Variants in UBE2E1 observed in about 807,000 individuals in gnomAD.
UBE2E1 encodes the protein ubiquitin conjugating enzyme E2 E1.
A neutral mutation model predicts 21.4 loss-of-function variants in UBE2E1; 6 were observed. The ratio of observed to expected loss-of-function variants is 0.28; its 90% confidence interval spans 0.15 to 0.55. The LOEUF (loss-of-function observed/expected upper bound fraction) is 0.55, where lower values mean the gene tolerates loss of function less well. UBE2E1 is among the 20% of genes least tolerant of loss of function. UBE2E1 has a pLI of 0.93. For missense variants in UBE2E1, 142 were observed against 236.5 expected, an observed-to-expected ratio of 0.60 and a Z score of 2.62; for synonymous variants, 87 against 82.7, an observed-to-expected ratio of 1.05 and a Z score of -0.28.
rs569155269 is a variant in UBE2E1 at position 23,870,170 on chromosome 3, G to C, written c.204-17397G>C. On this transcript the variant is annotated intron_variant, in intron 3 of 5. Transcript: ENST00000306627. This position sits in a 1 kb window ranked among gnomAD's most constrained non-coding sequence, Gnocchi z 4.2. ...CATTCTTGATGTGGTCTCTTCACAC[G>C]GTCTCTGCAGTACTAGGCTTCTTAT... Among the ~76,000 whole-genome samples, 42 of 152,174 alleles carry C rather than the reference G, an allele frequency of 2.8e-4. No individual in the cohort carries two copies. The highest frequency in any genetic ancestry group is 1.0e-3 in the African/African-American group (42 of 41,508).
At chr3:23,843,910 AT>A (rs1232387072) in intron 3 of UBE2E1, among the ~76,000 whole-genome samples, 4 of 151,966 alleles carry the variant, frequency 2.6e-5, no homozygotes, top group Admixed American at 6.6e-5. Context: ...TCTTTAATGT[AT>A]TTTTTTCTGG....
rs947596728 is a variant in UBE2E1, at chr3:23,879,207, A to G, written c.204-8360A>G. ...CCTTCCACATCTAGAGTCCACAACA[A>G]ATACAATGCCATCTGTGCATCTGGC... On this transcript the variant is annotated intron_variant, in intron 3 of 5. Transcript: ENST00000306627. The G allele has an allele frequency of 3.4e-6, 3 of 887,744 alleles. No individual in the cohort carries two copies. The Admixed American group carries it at 5.7e-5, about 17-fold the overall frequency. The allele number at this position is 887,744 out of a possible 1,614,324, so 55.0% of individuals were successfully genotyped here. A position where few individuals can be genotyped will look rare whatever the true frequency, so the allele number is the denominator to read the frequency against.
intron 5 of UBE2E1, 150 bp from the exon 6 acceptor site, chr3:23,890,359 G>A: frequency 1.6e-6 from 1 of 636,594 alleles, no homozygotes; most frequent in Non-Finnish European, 2.6e-6. Context: ...AATTTTGATG[G>A]AAAAATATCC....
In UBE2E1 at chr3:23,830,892, C is replaced by T. The variant is rs1276003749; in HGVS notation, c.203+19382C>T. 3.3e-5 allele frequency among the ~76,000 whole-genome samples: 5 copies of T among 152,182 alleles called. No homozygotes were observed. In the East Asian group the frequency reaches 9.6e-4, roughly 29 times the overall value. On this transcript the variant is annotated intron_variant, in intron 3 of 5. Transcript: ENST00000306627. Reference sequence around the variant, plus strand: ...CAAGTTTTGTTCTAAGGACTTTGAACATTAGAAACTCATTTAAAACTTAAA... The same window carrying T: ...CAAGTTTTGTTCTAAGGACTTTGAATATTAGAAACTCATTTAAAACTTAAA...
rs1454504024 is a variant in UBE2E1 at position 23,891,179 on chromosome 3, G to A, written c.*573G>A. Reference sequence around the variant, plus strand: ...GAATCAGGACTTGTGAAAACCTGTAGTGAAATACCTTAAGCTGTTAACTAA... The same window carrying A: ...GAATCAGGACTTGTGAAAACCTGTAATGAAATACCTTAAGCTGTTAACTAA... On this transcript the variant is annotated 3_prime_UTR_variant, in exon 6 of 6. Transcript: ENST00000306627. 6.6e-6 allele frequency: 1 copy of A among 152,462 alleles called. No individual in the cohort carries two copies. The highest frequency in any genetic ancestry group is 1.9e-4 in the East Asian group (1 of 5,198). The allele number at this position is 152,462 out of a possible 1,614,324, so 9.4% of individuals were successfully genotyped here. A position where few individuals can be genotyped will look rare whatever the true frequency, so the allele number is the denominator to read the frequency against.
intron 3 of UBE2E1, among the ~76,000 whole-genome samples, chr3:23,861,717 G>A (rs1337414112): frequency 1.3e-5 from 2 of 152,218 alleles, no homozygotes; most frequent in African/African-American, 4.8e-5. Context: ...GCAGGCCATC[G>A]ACTGGTGGAA....
At chr3:23,884,184 T>G (rs1208374213) in intron 3 of UBE2E1, among the ~76,000 whole-genome samples, 1 of 147,204 alleles carries the variant, frequency 6.8e-6, no homozygotes, top group African/African-American at 2.6e-5. Context: ...CTGTTTTGTC[T>G]ACTTTTTTCT....
At chr3:23,843,551 T>A (rs1700136919) in intron 3 of UBE2E1, among the ~76,000 whole-genome samples, 1 of 152,230 alleles carries the variant, frequency 6.6e-6, no homozygotes, top group Non-Finnish European at 1.5e-5. Context: ...TTTCAATAAA[T>A]GAGATCTATA....
At position 23,867,696 on chromosome 3, in the gene UBE2E1, T is replaced by G. The variant is rs141884071; in HGVS notation, c.204-19871T>G. Reference sequence around the variant, plus strand: ...TTCATTTATACTGGTGCAGGTTTTGTAGTCTCTTAGAGATTCAGTATGTCA... The same window carrying G: ...TTCATTTATACTGGTGCAGGTTTTGGAGTCTCTTAGAGATTCAGTATGTCA... On this transcript the variant is annotated intron_variant, in intron 3 of 5. Coordinates refer to ENST00000306627, the MANE Select transcript of UBE2E1 (RefSeq NM_003341.5). 2.2e-3 allele frequency among the ~76,000 whole-genome samples: 329 copies of G among 152,282 alleles called. 1 individual carries two copies. Among genetic ancestry groups the G allele is most frequent in the African/African-American group, 7.4e-3 (306 of 41,540 alleles).
chr3:23,868,890 T>G (rs1404305691), intron 3 of UBE2E1, among the ~76,000 whole-genome samples: 1 of 152,234 alleles, frequency 6.6e-6, no homozygotes, highest in African/African-American at 2.4e-5. Flanking sequence ...TGGATTTCTT[T>G]CCTTGCTTAG....
At chr3:23,835,765 T>C (rs1355206703) in intron 3 of UBE2E1, among the ~76,000 whole-genome samples, 2 of 152,224 alleles carry the variant, frequency 1.3e-5, no homozygotes, top group Non-Finnish European at 2.9e-5. Flanking sequence ...AATCTCACGG[T>C]TTACCTGTAT....
chr3:23,890,738 T>G lies in UBE2E1; in HGVS notation c.*132T>G, dbSNP rs1167675854. 9.1e-6 allele frequency: 7 copies of G among 768,770 alleles called. No individual in the cohort carries two copies. The highest frequency in any genetic ancestry group is 1.3e-5 in the Non-Finnish European group (7 of 526,120). 47.6% of individuals were successfully genotyped at this position (768,770 alleles called of 1,614,324 possible). A position where few individuals can be genotyped will look rare whatever the true frequency, so the allele number is the denominator to read the frequency against. ...TATAACAGATATTATTCAGTCTTAT[T>G]TCCTAAGATTTTGTTGTAACTTAAG... On this transcript the variant is annotated 3_prime_UTR_variant, in exon 6 of 6. Transcript: ENST00000306627.
At chr3:23,859,573 T>G (rs903605098) in intron 3 of UBE2E1, among the ~76,000 whole-genome samples, 1 of 152,246 alleles carries the variant, frequency 6.6e-6, no homozygotes, top group Non-Finnish European at 1.5e-5. Flanking sequence ...CCATAGCAAA[T>G]GGAGTGGCCT....
At chr3:23,862,164 G>C (rs112532735) in intron 3 of UBE2E1, among the ~76,000 whole-genome samples, 1 of 152,132 alleles carries the variant, frequency 6.6e-6, no homozygotes, top group African/African-American at 2.4e-5. Flanking sequence ...CCTGCAAGTG[G>C]GACAAGGGAA....
chr3:23,825,080 C>T (rs957969024), intron 3 of UBE2E1, among the ~76,000 whole-genome samples: 1 of 152,212 alleles, frequency 6.6e-6, no homozygotes, highest in African/African-American at 2.4e-5. Flanking sequence ...ACATACTACA[C>T]ACACATCATT....
chr3:23,852,145 A>G (rs928684497), intron 3 of UBE2E1, among the ~76,000 whole-genome samples: 8 of 152,196 alleles, frequency 5.3e-5, no homozygotes, highest in African/African-American at 1.4e-4. Context: ...TGCTTCTTGT[A>G]CAACCTGGAG....
chr3:23,831,697 C>CT (rs11332707), intron 3 of UBE2E1, among the ~76,000 whole-genome samples: 24 of 141,534 alleles, frequency 1.7e-4, no homozygotes, highest in East Asian at 6.3e-4. Flanking sequence ...TTTTGTATTT[C>CT]TTTTTTTTTT....
intron 3 of UBE2E1, among the ~76,000 whole-genome samples, chr3:23,838,281 A>G (rs1700011245): frequency 6.6e-6 from 1 of 151,992 alleles, no homozygotes; most frequent in Non-Finnish European, 1.5e-5. Flanking sequence ...TGCCCAAGCT[A>G]GTCTTGAACT....
intron 3 of UBE2E1, among the ~76,000 whole-genome samples, chr3:23,838,623 A>G (rs1164108293): frequency 1.3e-5 from 2 of 152,122 alleles, no homozygotes; most frequent in Non-Finnish European, 2.9e-5. Flanking sequence ...CAGCCTCCTA[A>G]GTAGCTGGGA....
Sources: allele counts gnomAD v4.1 joint callset (sites outside exome capture counted in the v4.1 genomes callset), GRCh38; gene constraint gnomAD v4.1.1; non-coding constraint Gnocchi (gnomAD v3.1); transcripts MANE v1.5; gene names NCBI Gene and HGNC (gene_info 2026-07-23, HGNC 2026-07-21).